Variants in MCTP1 observed in about 807,000 individuals in gnomAD.
The protein encoded by MCTP1 is multiple C2 and transmembrane domain containing 1.
Under a neutral mutation model 120.6 loss-of-function variants are expected in MCTP1, and 69 were observed. That is an observed-to-expected ratio of 0.57 (90% CI 0.47 to 0.70). The LOEUF (loss-of-function observed/expected upper bound fraction) is 0.70. Ranked by LOEUF, MCTP1 falls within the 30% of genes least tolerant of loss-of-function variation. The pLI, the probability that MCTP1 is intolerant of heterozygous loss-of-function variation, is 0.00. For synonymous variants in MCTP1, 529 were observed against 493.1 expected (o/e 1.07, Z -0.96); for missense variants, 1,203 against 1,248.8 (o/e 0.96, Z 0.55).
At chr5:95,190,657 AC>A (rs1437055531) in intron 1 of MCTP1, among the ~76,000 whole-genome samples, 3 of 151,972 alleles carry the variant, frequency 2.0e-5, no homozygotes, top group Non-Finnish European at 4.4e-5. Flanking sequence ...TAAAAAAAAA[AC>A]GGGAATAAAA....
chr5:95,230,189 T>G (rs1485897126), intron 1 of MCTP1, among the ~76,000 whole-genome samples: 2 of 111,204 alleles, frequency 1.8e-5, no homozygotes, highest in Non-Finnish European at 4.2e-5. Context: ...CATATATGTG[T>G]GTGTGTATAT....
chr5:95,279,410 C>T (rs1760131563), intron 1 of MCTP1, among the ~76,000 whole-genome samples: 1 of 152,024 alleles, frequency 6.6e-6, no homozygotes, highest in South Asian at 2.1e-4. Flanking sequence ...GTAATGTCAC[C>T]AGTACTACCT....
At chr5:95,067,314 T>C (rs941478215) in intron 1 of MCTP1, among the ~76,000 whole-genome samples, 26 of 152,256 alleles carry the variant, frequency 1.7e-4, no homozygotes, top group Non-Finnish European at 3.2e-4. Flanking sequence ...AAGTGACAAA[T>C]ATTTGGGGTT....
intron 22 of MCTP1, chr5:94,708,306 A>G (rs1755391095): frequency 9.9e-6 from 4 of 405,086 alleles, no homozygotes; most frequent in Non-Finnish European, 1.8e-5. Flanking sequence ...TCTTTATGCA[A>G]CTGCTCTTTC....
intron 1 of MCTP1, among the ~76,000 whole-genome samples, chr5:95,155,405 T>C (rs535648055): frequency 6.6e-6 from 1 of 152,274 alleles, no homozygotes. Context: ...TTTTTGAGTA[T>C]AAAATTCCTT....
intron 1 of MCTP1, among the ~76,000 whole-genome samples, chr5:95,033,008 T>C (rs1840583880): frequency 6.6e-6 from 1 of 152,000 alleles, no homozygotes; most frequent in South Asian, 2.1e-4. Flanking sequence ...AGGAAACAGA[T>C]AATTTCCTGG....
chr5:95,031,467 T>C (rs1299106971), intron 1 of MCTP1, among the ~76,000 whole-genome samples: 1 of 152,110 alleles, frequency 6.6e-6, no homozygotes, highest in Admixed American at 6.5e-5. Context: ...CCAGAAGAGA[T>C]TGGAGGCATG....
intron 3 of MCTP1, among the ~76,000 whole-genome samples, 154 bp downstream of exon 3, chr5:94,953,062 CTAT>C (rs1216269904): frequency 7.2e-5 from 11 of 152,222 alleles, no homozygotes; most frequent in Non-Finnish European, 1.5e-4. Context: ...CTCCTTCCCT[CTAT>C]CTCACTTCTA....
At chr5:94,854,995 G>A (rs1244605838) in intron 17 of MCTP1, among the ~76,000 whole-genome samples, 2 of 151,730 alleles carry the variant, frequency 1.3e-5, no homozygotes, top group South Asian at 2.1e-4. Context: ...CAGGAGATGG[G>A]TGTTTCATCA....
intron 1 of MCTP1, among the ~76,000 whole-genome samples, chr5:95,231,424 A>G (rs1754930305): frequency 1.3e-5 from 2 of 152,222 alleles, no homozygotes; most frequent in African/African-American, 4.8e-5. Context: ...ACTTGAAACA[A>G]CAACAGCCAC....
intron 1 of MCTP1, among the ~76,000 whole-genome samples, chr5:95,147,679 G>C (rs1394586826): frequency 6.6e-6 from 1 of 152,114 alleles, no homozygotes; most frequent in Non-Finnish European, 1.5e-5. Context: ...TTTTTAAGTG[G>C]GGGGCTTAGA....
intron 1 of MCTP1, among the ~76,000 whole-genome samples, chr5:95,193,294 G>A (rs1409960604): frequency 6.6e-6 from 1 of 152,014 alleles, no homozygotes; most frequent in African/African-American, 2.4e-5. Flanking sequence ...TTCACCCAAA[G>A]ATAACACACT....
At chr5:94,968,578 CA>C (rs1195317024) in intron 2 of MCTP1, among the ~76,000 whole-genome samples, 4 of 152,104 alleles carry the variant, frequency 2.6e-5, no homozygotes, top group African/African-American at 9.7e-5. Context: ...GGTTAATCTT[CA>C]ATAAACATAC....
At chr5:95,089,167 G>A (rs962116446) in intron 1 of MCTP1, among the ~76,000 whole-genome samples, 2 of 152,282 alleles carry the variant, frequency 1.3e-5, no homozygotes, top group South Asian at 2.1e-4. Context: ...ATTCTTAGGC[G>A]ATACATCTGA....
chr5:95,237,271 C>A (rs536355811), intron 1 of MCTP1, among the ~76,000 whole-genome samples: 2 of 152,290 alleles, frequency 1.3e-5, no homozygotes, highest in East Asian at 1.9e-4. Context: ...GGCACCATGT[C>A]TGAGCCTAGA....
At chr5:94,950,210 T>G (rs1238427574) in intron 3 of MCTP1, among the ~76,000 whole-genome samples, 1 of 152,174 alleles carries the variant, frequency 6.6e-6, no homozygotes, top group Non-Finnish European at 1.5e-5. Context: ...CAGAGACTTG[T>G]ATGATTTCTA....
intron 2 of MCTP1, among the ~76,000 whole-genome samples, chr5:94,984,950 C>T (rs1830190622): frequency 6.6e-6 from 1 of 152,126 alleles, no homozygotes; most frequent in South Asian, 2.1e-4. Context: ...CTTTTACATC[C>T]AATTTAATAT....
intron 3 of MCTP1, 66 bp from the exon 4 acceptor site, chr5:94,942,493 C>G: frequency 8.7e-7 from 1 of 1,153,808 alleles, no homozygotes; most frequent in Non-Finnish European, 1.3e-6. Flanking sequence ...GTGATAATGT[C>G]TTGGTCATAA....
chr5:95,135,740 T>C (rs1292473406), intron 1 of MCTP1, among the ~76,000 whole-genome samples: 2 of 152,234 alleles, frequency 1.3e-5, no homozygotes, highest in African/African-American at 2.4e-5. Context: ...TTGTGGGACA[T>C]TGTGTTTGTG....
Sources: gnomAD v4.1 joint callset for allele counts (sites outside exome capture counted in the v4.1 genomes callset) on GRCh38, gnomAD v4.1.1 for gene constraint, MANE v1.5 for transcripts, NCBI Gene and HGNC (gene_info 2026-07-23, HGNC 2026-07-21) for gene names.